TSSK6: variants seen among roughly 807,000 people sequenced by gnomAD.
TSSK6 encodes the protein testis specific serine kinase 6, also known as testis-specific serine/threonine-protein kinase 6.
In TSSK6, 9 loss-of-function variants were observed where a neutral mutation model predicts 8.5. That is an observed-to-expected ratio of 1.06 (90% CI 0.64 to 1.85). The LOEUF is 1.85. TSSK6 is among the 40% of genes most tolerant of loss of function. TSSK6 has a pLI of 0.00. For missense variants in TSSK6, 311 were observed against 391.5 expected (o/e 0.79, Z 1.73); for synonymous variants, 202 against 182.4 (o/e 1.11, Z -0.86).
In TSSK6 at chr19:19,514,935, G is replaced by C. The variant is rs1169504840; in HGVS notation, c.493C>G (p.Pro165Ala). The change falls in exon 1 of 1, where the codon CCA becomes GCA. Residue 165 changes from proline to alanine, a missense_variant. Pro to Ala is a conservative substitution (Grantham distance 27). Transcript: ENST00000585580. The stretch of plus-strand genomic sequence containing the variant: ...CCGCAGTAGGTGGTGCTCAGGTCTG[G>C]GTAGCCATGGGCCTGGCGGCCGAAG... ...FGFGRQAHGYPDLSTTYCGSA... is the reference protein window; with the variant it reads ...FGFGRQAHGYADLSTTYCGSA... The C allele has an allele frequency of 1.4e-5, 22 of 1,602,456 alleles. No homozygotes were observed. The highest frequency in any genetic ancestry group is 1.6e-5 in the Non-Finnish European group (19 of 1,174,994).
In TSSK6 at chr19:19,514,509, C is replaced by A; in HGVS notation, c.*97G>T. On this transcript the variant is annotated 3_prime_UTR_variant, in exon 1 of 1. Transcript: ENST00000585580. ...GAAAAAGCGCATGTGCAGCAGCACG[C>A]GGCAGCTTCGCATATTCCCTCGAAG... 6.9e-6 allele frequency: 8 copies of A among 1,165,850 alleles called. No homozygotes were observed. In the South Asian group the frequency reaches 1.3e-4, roughly 19 times the overall value. The allele number at this position is 1,165,850 out of a possible 1,614,324, so 72.2% of individuals were successfully genotyped here.
chr19:19,514,846 A>G lies in TSSK6; in HGVS notation c.582T>C (p.Asp194=), dbSNP rs778138031. 2.8e-5 allele frequency: 44 copies of G among 1,599,864 alleles called. No individual in the cohort carries two copies. Among genetic ancestry groups the G allele is most frequent in the Non-Finnish European group, 3.6e-5 (42 of 1,178,488 alleles). Residue 194 remains aspartate (D), a synonymous_variant, in exon 1 of 1, where the codon GAT becomes GAC. Transcript: ENST00000585580. ...LGIPYDPKKY[D]VWSMGVVLYV... Reference sequence around the variant, plus strand: ...AGAGCACGACGCCCATGCTCCACACATCGTACTTCTTGGGGTCGTAGGGGA... The same window carrying G: ...AGAGCACGACGCCCATGCTCCACACGTCGTACTTCTTGGGGTCGTAGGGGA...
Position 19,515,175 on chromosome 19 carries a change from TC to T in TSSK6, c.252del (p.Lys85AsnfsTer5). The T allele has an allele frequency of 6.2e-7, 1 of 1,608,168 alleles. No individual in the cohort carries two copies. Among genetic ancestry groups the T allele is most frequent in the Middle Eastern group, 1.6e-4 (1 of 6,062 alleles). ...GCCGCTTCCATCACGATGTACAGTT[TC>T]CCGTTGCACACCTCGATGAACTCGA... is the stretch of plus-strand genomic sequence containing the variant. ...HVFEFIEVCN[G>X]KLYIVMEAAA... On this transcript the variant is annotated frameshift_variant, in exon 1 of 1. Coordinates refer to ENST00000585580, the MANE Select transcript of TSSK6 (RefSeq NM_032037.4). LOFTEE classifies it low-confidence loss of function (END_TRUNC).
In TSSK6 at chr19:19,515,147, G is replaced by GC. The variant is rs755680144; in HGVS notation, c.280dup (p.Ala94GlyfsTer?). The GC allele has an allele frequency of 6.2e-7, 1 of 1,605,928 alleles. No homozygotes were observed. The highest frequency in any genetic ancestry group is 8.5e-7 in the Non-Finnish European group (1 of 1,179,698). Reference sequence around the variant, plus strand: ...CTGCACGGCTTGCAGCAGGTCGGTGGCGGCCGCTTCCATCACGATGTACAG... The same window carrying GC: ...CTGCACGGCTTGCAGCAGGTCGGTGGCCGGCCGCTTCCATCACGATGTACAG... On this transcript the variant is annotated frameshift_variant, in exon 1 of 1. Transcript: ENST00000585580. LOFTEE classifies it low-confidence loss of function (END_TRUNC).
At position 19,514,571 on chromosome 19, in the gene TSSK6, C is replaced by A; in HGVS notation, c.*35G>T. 2.0e-6 allele frequency: 3 copies of A among 1,506,164 alleles called. No homozygotes were observed. The highest frequency in any genetic ancestry group is 2.4e-5 in the East Asian group (1 of 41,530). 93.3% of individuals were successfully genotyped at this position (1,506,164 alleles called of 1,614,324 possible). On this transcript the variant is annotated 3_prime_UTR_variant, in exon 1 of 1. Transcript: ENST00000585580. Reference sequence around the variant, plus strand: ...CGCGTGCGCCGCCCTGGCCCAGTGCCCTTGGCTGCAGGAATGGCTGGAACC... The same window carrying A: ...CGCGTGCGCCGCCCTGGCCCAGTGCACTTGGCTGCAGGAATGGCTGGAACC...
chr19:19,514,776 C>A lies in TSSK6; in HGVS notation c.652G>T (p.Ala218Ser). Reference protein sequence around the residue: ...GCMPFDDSDIAGLPRRQKRGV... With the variant: ...GCMPFDDSDISGLPRRQKRGV... ...CGTTTCTGGCGCCGGGGCAGGCCGG[C>A]GATGTCCGAGTCGTCGAAGGGCATG... Residue 218 changes from alanine to serine, a missense_variant, in exon 1 of 1, where the codon GCC (alanine) becomes TCC (serine). Coordinates refer to ENST00000585580, the MANE Select transcript of TSSK6 (RefSeq NM_032037.4). 1 of 1,602,218 alleles carries A rather than the reference C, an allele frequency of 6.2e-7. No individual in the cohort carries two copies. Among genetic ancestry groups the A allele is most frequent in the East Asian group, 2.2e-5 (1 of 44,862 alleles).
Position 19,514,743 on chromosome 19 carries a change from G to C in TSSK6, c.685C>G (p.Leu229Val), listed in dbSNP as rs75846021. The part of the protein sequence containing the change: ...GLPRRQKRGV[L>V]YPEGLELSER... Reference sequence around the variant, plus strand: ...GACAGCTCGAGGCCTTCGGGATAGAGCACGCCGCGTTTCTGGCGCCGGGGC... The same window carrying C: ...GACAGCTCGAGGCCTTCGGGATAGACCACGCCGCGTTTCTGGCGCCGGGGC... Residue 229 changes from leucine (L) to valine (V), a missense_variant, in exon 1 of 1, where the codon CTC becomes GTC. Coordinates refer to ENST00000585580, the MANE Select transcript of TSSK6 (RefSeq NM_032037.4). 3.3e-4 allele frequency: 530 copies of C among 1,602,406 alleles called. 3 individuals are homozygous for C. The East Asian group carries it at 6.9e-3, about 21-fold the overall frequency.
Position 19,514,456 on chromosome 19 carries a change from G to T in TSSK6, c.*150C>A. The T allele has an allele frequency of 1.3e-6, 1 of 788,970 alleles. No homozygotes were observed. Among genetic ancestry groups the T allele is most frequent in the East Asian group, 2.8e-5 (1 of 36,342 alleles). 48.9% of individuals were successfully genotyped at this position (788,970 alleles called of 1,614,324 possible). Reference sequence around the variant, plus strand: ...AACAAGGGCAACTGCGGACTCCCCCGTGGGAAGAAAGGGAGGGAAGCGGAA... The same window carrying T: ...AACAAGGGCAACTGCGGACTCCCCCTTGGGAAGAAAGGGAGGGAAGCGGAA... On this transcript the variant is annotated 3_prime_UTR_variant, in exon 1 of 1. Coordinates refer to ENST00000585580, the MANE Select transcript of TSSK6 (RefSeq NM_032037.4).
Position 19,515,248 on chromosome 19 carries a change from C to T in TSSK6, c.180G>A (p.Glu60=). The change falls in exon 1 of 1, where the codon GAG becomes GAA. Residue 60 remains glutamate (E), a synonymous_variant. Coordinates refer to ENST00000585580, the MANE Select transcript of TSSK6 (RefSeq NM_032037.4). The part of the protein sequence containing the change: ...PDFVNKFLPR[E]LSILRGVRHP... ...GTCGCACGCCCCGCAGGATGGACAGCTCTCGCGGCAGGAACTTGTTGACGA... is the reference window on the plus strand; with the variant it reads ...GTCGCACGCCCCGCAGGATGGACAGTTCTCGCGGCAGGAACTTGTTGACGA... 1 of 1,613,274 alleles carries T rather than the reference C, an allele frequency of 6.2e-7. No individual in the cohort carries two copies. Among genetic ancestry groups the T allele is most frequent in the Non-Finnish European group, 8.5e-7 (1 of 1,179,984 alleles).
chr19:19,515,176 C>T lies in TSSK6; in HGVS notation c.252G>A (p.Gly84=), dbSNP rs1427060841. 3 of 1,608,278 alleles carry T rather than the reference C, an allele frequency of 1.9e-6. No individual in the cohort carries two copies. Among genetic ancestry groups the T allele is most frequent in the South Asian group, 2.2e-5 (2 of 91,090 alleles). ...HVFEFIEVCN[G]KLYIVMEAAA... is the part of the protein sequence containing the mutation. ...CCGCTTCCATCACGATGTACAGTTT[C>T]CCGTTGCACACCTCGATGAACTCGA... Residue 84 remains glycine (G), a synonymous_variant, in exon 1 of 1, where the codon GGG becomes GGA. Coordinates refer to ENST00000585580, the MANE Select transcript of TSSK6 (RefSeq NM_032037.4).
rs1467347393 is a variant in TSSK6, at chr19:19,514,930, G to A, written c.498C>T (p.Asp166=). 1 of 1,603,464 alleles carries A rather than the reference G, an allele frequency of 6.2e-7. No homozygotes were observed. The highest frequency in any genetic ancestry group is 1.7e-5 in the Admixed American group (1 of 59,696). ...CTGAGCCGCAGTAGGTGGTGCTCAG[G>A]TCTGGGTAGCCATGGGCCTGGCGGC... The part of the protein sequence containing the change: ...GFGRQAHGYP[D]LSTTYCGSAA... Residue 166 remains aspartate, a synonymous_variant, in exon 1 of 1, where the codon GAC becomes GAT. Transcript: ENST00000585580.
chr19:19,515,077 C>A lies in TSSK6; in HGVS notation c.351G>T (p.Ala117=). The change falls in exon 1 of 1, where the codon GCG becomes GCT. Residue 117 remains alanine, a synonymous_variant. Transcript: ENST00000585580. ...IPGVQARDLF[A]QIAGAVRYLH... Reference sequence around the variant, plus strand: ...GGTAGCGCACGGCGCCGGCGATCTGCGCAAAGAGGTCGCGCGCCTGAACTC... The same window carrying A: ...GGTAGCGCACGGCGCCGGCGATCTGAGCAAAGAGGTCGCGCGCCTGAACTC... The A allele has an allele frequency of 1.2e-6, 2 of 1,607,938 alleles. No homozygotes were observed. Among genetic ancestry groups the A allele is most frequent in the Non-Finnish European group, 8.5e-7 (1 of 1,178,096 alleles).
Position 19,514,309 on chromosome 19 carries a change from G to A in TSSK6, c.*297C>T, listed in dbSNP as rs1375151712. The stretch of plus-strand genomic sequence containing the variant: ...GGGACGCCCTCCGCGCAGAGGCTGA[G>A]AGTTCCGCGCAGGCGCAATGCTTCC... On this transcript the variant is annotated 3_prime_UTR_variant, in exon 1 of 1. Coordinates refer to ENST00000585580, the MANE Select transcript of TSSK6 (RefSeq NM_032037.4). 2.3e-6 allele frequency: 1 copy of A among 432,836 alleles called. No individual in the cohort carries two copies. Among genetic ancestry groups the A allele is most frequent in the Non-Finnish European group, 4.2e-6 (1 of 240,710 alleles). The allele number at this position is 432,836 out of a possible 1,614,324, so 26.8% of individuals were successfully genotyped here.
chr19:19,515,281 G>A lies in TSSK6; in HGVS notation c.147C>T (p.Pro49=). 6.2e-7 allele frequency: 1 copy of A among 1,613,860 alleles called. No individual in the cohort carries two copies. Among genetic ancestry groups the A allele is most frequent in the Non-Finnish European group, 8.5e-7 (1 of 1,179,972 alleles). Residue 49 remains proline, a synonymous_variant, in exon 1 of 1, where the codon CCC becomes CCT. Transcript: ENST00000585580. ...GCAGGAACTTGTTGACGAAGTCCGG[G>A]GGCGCTCGCCGCCGGTCCACCACCT... ...AIKVVDRRRA[P]PDFVNKFLPR...
chr19:19,515,139 G>C lies in TSSK6; in HGVS notation c.289C>G (p.Leu97Val). The C allele has an allele frequency of 6.2e-7, 1 of 1,605,864 alleles. No homozygotes were observed. The highest frequency in any genetic ancestry group is 8.5e-7 in the Non-Finnish European group (1 of 1,179,628). ...YIVMEAAATD[L>V]LQAVQRNGRI... ...CCGTTGCGCTGCACGGCTTGCAGCA[G>C]GTCGGTGGCGGCCGCTTCCATCACG... The change falls in exon 1 of 1, where the codon CTG becomes GTG. Residue 97 changes from leucine to valine, a missense_variant. Leu to Val is a conservative substitution (Grantham distance 32). Transcript: ENST00000585580.
At position 19,514,258 on chromosome 19, in the gene TSSK6, A is replaced by C. The variant is rs1600338443; in HGVS notation, c.*348T>G. 1 of 292,122 alleles carries C rather than the reference A, an allele frequency of 3.4e-6. No individual in the cohort carries two copies. The highest frequency in any genetic ancestry group is 6.4e-6 in the Non-Finnish European group (1 of 155,598). 18.1% of individuals were successfully genotyped at this position (292,122 alleles called of 1,614,324 possible). ...AGTTTATTGCAGGTTCCAACCGGGA[A>C]CCTGGCACCCACGGCTGGTTGGGAA... On this transcript the variant is annotated 3_prime_UTR_variant, in exon 1 of 1. Coordinates refer to ENST00000585580, the MANE Select transcript of TSSK6 (RefSeq NM_032037.4).
In TSSK6 at chr19:19,514,535, C is replaced by G. The variant is rs1223407700; in HGVS notation, c.*71G>C. 1 of 1,342,800 alleles carries G rather than the reference C, an allele frequency of 7.4e-7. No individual in the cohort carries two copies. Among genetic ancestry groups the G allele is most frequent in the Non-Finnish European group, 9.9e-7 (1 of 1,012,492 alleles). The allele number at this position is 1,342,800 out of a possible 1,614,324, so 83.2% of individuals were successfully genotyped here. On this transcript the variant is annotated 3_prime_UTR_variant, in exon 1 of 1. Transcript: ENST00000585580. ...GGCAGCTTCGCATATTCCCTCGAAG[C>G]GCGCCTCTTGCGCGTGCGCCGCCCT...
chr19:19,515,522 ACACCCCCG>A lies in TSSK6; in HGVS notation c.-103_-96del, dbSNP rs2061042921. The A allele has an allele frequency of 2.6e-6, 3 of 1,145,926 alleles. No homozygotes were observed. The highest frequency in any genetic ancestry group is 2.3e-5 in the Admixed American group (1 of 42,864). 71.0% of individuals were successfully genotyped at this position (1,145,926 alleles called of 1,614,324 possible). A position where few individuals can be genotyped will look rare whatever the true frequency, so the allele number is the denominator to read the frequency against. ...GTCTAAGCCATGGCGCTTGGCACCT[ACACCCCCG>A]CACCCCCATGTGCCCACTGCCAGAC... On this transcript the variant is annotated 5_prime_UTR_variant, in exon 1 of 1. It introduces an in-frame stop codon into an upstream open reading frame of the 5' UTR. Transcript: ENST00000585580.
In TSSK6 at chr19:19,514,676, C is replaced by T. The variant is rs1367298249; in HGVS notation, c.752G>A (p.Ser251Asn). The change falls in exon 1 of 1, where the codon AGC becomes AAC. Residue 251 changes from serine (S) to asparagine (N), a missense_variant. Transcript: ENST00000585580. ...KALIAELLQF[S>N]PSARPSAGQV... ...GCCCGCGGAGGGCCTGGCGGACGGG[C>T]TGAACTGCAGCAGCTCGGCGATCAG... 2 of 1,600,040 alleles carry T rather than the reference C, an allele frequency of 1.2e-6. No individual in the cohort carries two copies. The highest frequency in any genetic ancestry group is 2.2e-5 in the East Asian group (1 of 44,876).
Sources: allele counts gnomAD v4.1 joint callset, GRCh38; gene constraint gnomAD v4.1.1; transcripts MANE v1.5; gene names NCBI Gene and HGNC (gene_info 2026-07-23, HGNC 2026-07-21).